CSMD1: variants seen among roughly 807,000 people sequenced by gnomAD.
The protein encoded by CSMD1 is CUB and Sushi multiple domains 1, also known as CUB and sushi domain-containing protein 1.
Under a neutral mutation model 417.5 loss-of-function variants are expected in CSMD1, and 213 were observed. The observed-to-expected ratio is 0.51, with a 90% confidence interval of 0.46 to 0.57. CSMD1 has a LOEUF of 0.57. Among genes scored for constraint, CSMD1 ranks in the 20% least tolerant of loss-of-function variants. The pLI is 0.00. For missense variants in CSMD1, 6,923 were observed against 4,529.7 expected, an observed-to-expected ratio of 1.53 and a Z score of -15.17; for synonymous variants, 2,862 against 1,736.8, an observed-to-expected ratio of 1.65 and a Z score of -16.11.
chr8:3,906,631 T>C (rs1808130376), intron 5 of CSMD1, among the ~76,000 whole-genome samples: 2 of 151,990 alleles, frequency 1.3e-5, no homozygotes, highest in East Asian at 1.9e-4. Context: ...CTAAGCTTTT[T>C]TTTTTTTTCA....
chr8:4,530,836 C>T lies in CSMD1; in HGVS notation c.302+106506G>A, dbSNP rs868318398. On this transcript the variant is annotated intron_variant, in intron 2 of 69. Transcript: ENST00000635120. Reference sequence around the variant, plus strand: ...ATAAATCATTCTACTATAGGCAGCGCTTTCTTTTCCTTATTTCCTTTTCAC... The same window carrying T: ...ATAAATCATTCTACTATAGGCAGCGTTTTCTTTTCCTTATTTCCTTTTCAC... Among the ~76,000 whole-genome samples the T allele has an allele frequency of 3.3e-5, 5 of 152,014 alleles. No homozygotes were observed. In the South Asian group the frequency reaches 6.3e-4, roughly 19 times the overall value.
At chr8:3,803,077 G>T (rs4392928) in intron 5 of CSMD1, among the ~76,000 whole-genome samples, 114,406 of 152,158 alleles carry the variant, frequency 0.75, 43,263 homozygotes, top group African/African-American at 0.82. Flanking sequence ...ACAGCCTTTT[G>T]GTCTATCTCT....
Position 3,216,816 on chromosome 8 carries a change from A to T in CSMD1, c.4673-2125T>A, listed in dbSNP as rs374865986. On this transcript the variant is annotated intron_variant, in intron 29 of 69. Coordinates refer to ENST00000635120, the MANE Select transcript of CSMD1 (RefSeq NM_033225.6). The stretch of plus-strand genomic sequence containing the variant: ...TCAGCCAGGATTTGTGAATTGTTGC[A>T]CAGCACGACTGCCTGGTGTTCCTTC... 2.0e-5 allele frequency among the ~76,000 whole-genome samples: 3 copies of T among 152,256 alleles called. No homozygotes were observed. The East Asian group carries it at 5.8e-4, about 29-fold the overall frequency.
intron 4 of CSMD1, among the ~76,000 whole-genome samples, chr8:4,023,618 G>C (rs1363507016): frequency 1.4e-5 from 2 of 140,338 alleles, no homozygotes; most frequent in African/African-American, 5.5e-5. Context: ...ACGGAGTCTC[G>C]CTCTGTCGCC....
rs551459520 is a variant in CSMD1 at position 4,106,651 on chromosome 8, T to A, written c.416-74552A>T. Among the ~76,000 whole-genome samples, 308 of 152,350 alleles carry A rather than the reference T, an allele frequency of 2.0e-3. 1 individual carries two copies. The highest frequency in any genetic ancestry group is 3.7e-3 in the Non-Finnish European group (255 of 68,044). ...ATCCAAAATGTGATGTTGATAGGTA[T>A]TCACTATAAAAACAGTAAAACATTT... On this transcript the variant is annotated intron_variant, in intron 3 of 69. Transcript: ENST00000635120.
chr8:4,039,748 G>C (rs565755269), intron 3 of CSMD1, among the ~76,000 whole-genome samples: 3 of 152,312 alleles, frequency 2.0e-5, no homozygotes, highest in African/African-American at 4.8e-5. Flanking sequence ...AAGATAAATT[G>C]ATGTGGGGGA....
intron 3 of CSMD1, among the ~76,000 whole-genome samples, chr8:4,083,721 C>G (rs894678303): frequency 1.3e-5 from 2 of 152,102 alleles, no homozygotes; most frequent in African/African-American, 4.8e-5. Flanking sequence ...AACGTTAGAC[C>G]TAAAGCCATA....
intron 3 of CSMD1, among the ~76,000 whole-genome samples, chr8:4,253,262 G>A (rs1311780691): frequency 1.3e-5 from 2 of 152,156 alleles, no homozygotes; most frequent in Non-Finnish European, 2.9e-5. Context: ...AAAGCTTGAT[G>A]TTAAGACCCT....
intron 3 of CSMD1, among the ~76,000 whole-genome samples, chr8:4,192,722 T>G (rs137991234): frequency 6.6e-6 from 1 of 152,238 alleles, no homozygotes; most frequent in South Asian, 2.1e-4. Flanking sequence ...GTATGAGGAA[T>G]TGTCTATGTA....
At chr8:4,839,342 A>C (rs34624610) in intron 1 of CSMD1, among the ~76,000 whole-genome samples, 51,743 of 152,158 alleles carry the variant, frequency 0.34, 10,464 homozygotes, top group Admixed American at 0.54. Flanking sequence ...CAATGAATGC[A>C]TACAACCAAG....
chr8:4,893,755 C>G (rs533498249), intron 1 of CSMD1, among the ~76,000 whole-genome samples: 2 of 152,254 alleles, frequency 1.3e-5, no homozygotes, highest in South Asian at 2.1e-4. Flanking sequence ...TTTCATTAAT[C>G]TATGTGCTGC....
At chr8:2,941,388 G>T (rs1801863438) in intron 69 of CSMD1, among the ~76,000 whole-genome samples, 1 of 152,150 alleles carries the variant, frequency 6.6e-6, no homozygotes, top group African/African-American at 2.4e-5. Flanking sequence ...TGAAATATCT[G>T]TATTATGTAC....
At chr8:4,708,034 C>T (rs1312402659) in intron 1 of CSMD1, among the ~76,000 whole-genome samples, 1 of 152,118 alleles carries the variant, frequency 6.6e-6, no homozygotes, top group Admixed American at 6.5e-5. Context: ...GCCTCAAACT[C>T]CTTGGCTCAA....
chr8:4,167,223 A>G (rs1797505946), intron 3 of CSMD1, among the ~76,000 whole-genome samples: 1 of 152,096 alleles, frequency 6.6e-6, no homozygotes, highest in Non-Finnish European at 1.5e-5. Context: ...GAAAATCCTG[A>G]TTTTAGGGAA....
chr8:4,790,559 T>C (rs558083497), intron 1 of CSMD1, among the ~76,000 whole-genome samples: 8 of 152,260 alleles, frequency 5.3e-5, no homozygotes, highest in South Asian at 2.1e-4. Flanking sequence ...GCTGGAAGCA[T>C]CACACAGCCC....
chr8:3,253,315 C>G (rs191303363), intron 26 of CSMD1, among the ~76,000 whole-genome samples: 1 of 152,160 alleles, frequency 6.6e-6, no homozygotes, highest in East Asian at 1.9e-4. Context: ...GCAGGTCGTT[C>G]AGTTTCCATG....
intron 2 of CSMD1, among the ~76,000 whole-genome samples, chr8:4,538,115 A>G (rs542373688): frequency 6.6e-6 from 1 of 152,212 alleles, no homozygotes; most frequent in South Asian, 2.1e-4. Context: ...CTCAAATAAA[A>G]TAGACCAGAG....
At chr8:4,157,445 C>G (rs1411890134) in intron 3 of CSMD1, among the ~76,000 whole-genome samples, 1 of 152,064 alleles carries the variant, frequency 6.6e-6, no homozygotes, top group Admixed American at 6.6e-5. Flanking sequence ...TTTCCCCTAC[C>G]TCCTTCCCTC....
chr8:4,552,151 G>T (rs1435312846), intron 2 of CSMD1, among the ~76,000 whole-genome samples: 1 of 152,132 alleles, frequency 6.6e-6, no homozygotes, highest in Non-Finnish European at 1.5e-5. Flanking sequence ...CATGCATTGG[G>T]ATTTTAAACA....
Sources: allele counts gnomAD v4.1 joint callset (sites outside exome capture counted in the v4.1 genomes callset), GRCh38; gene constraint gnomAD v4.1.1; transcripts MANE v1.5; gene names NCBI Gene and HGNC (gene_info 2026-07-23, HGNC 2026-07-21).